The following ANKRD29 variants were observed in gnomAD, a reference collection of about 807,000 sequenced individuals.
ANKRD29 encodes ankyrin repeat domain 29, also known as ankyrin repeat domain-containing protein 29.
In ANKRD29, 32 loss-of-function variants were observed where a neutral mutation model predicts 38.0. The ratio of observed to expected loss-of-function variants is 0.84; its 90% CI spans 0.64 to 1.13. The LOEUF (loss-of-function observed/expected upper bound fraction) is 1.13. Among genes scored for constraint, ANKRD29 ranks in the 50% most tolerant of loss-of-function variants. The pLI is 0.00. For synonymous variants in ANKRD29, 135 were observed against 152.4 expected (o/e 0.89, Z 0.84); for missense variants, 357 against 377.9 (o/e 0.94, Z 0.46).
chr18:23,638,874 C>T lies in ANKRD29; in HGVS notation c.305G>A (p.Gly102Glu), dbSNP rs182782127. Residue 102 changes from glycine (G) to glutamate (E), a missense_variant, in exon 4 of 10, where the codon GGA becomes GAA. Transcript: ENST00000592179. Reference sequence around the variant, plus strand: ...TTTGGTCCTAAATTCAGTGGATGCTCCAAATCCAAAGAGAAATCTCACGAC... The same window carrying T: ...TTTGGTCCTAAATTCAGTGGATGCTTCAAATCCAAAGAGAAATCTCACGAC... ...NDVVRFLFGF[G>E]ASTEFRTKDG... 1.2e-6 allele frequency: 2 copies of T among 1,612,140 alleles called. No individual in the cohort carries two copies.
chr18:23,641,582 G>A (rs1386819354), intron 3 of ANKRD29, among the ~76,000 whole-genome samples: 5 of 152,242 alleles, frequency 3.3e-5, no homozygotes, highest in African/African-American at 1.2e-4. Context: ...GGGGCTGAGG[G>A]CAGCTAGGTG....
chr18:23,609,459 C>T (rs958648196), intron 9 of ANKRD29, among the ~76,000 whole-genome samples: 4 of 152,162 alleles, frequency 2.6e-5, no homozygotes, highest in African/African-American at 9.7e-5. Flanking sequence ...AATAAAACTC[C>T]TATCTCCCGC....
intron 8 of ANKRD29, among the ~76,000 whole-genome samples, chr18:23,615,672 A>G (rs2059701472): frequency 6.6e-6 from 1 of 151,994 alleles, no homozygotes; most frequent in Non-Finnish European, 1.5e-5. Flanking sequence ...TCAGCCTCCC[A>G]AAGTGCTGGG....
intron 9 of ANKRD29, among the ~76,000 whole-genome samples, chr18:23,606,580 G>C (rs1387380358): frequency 6.6e-6 from 1 of 152,072 alleles, no homozygotes; most frequent in East Asian, 1.9e-4. Context: ...CAAAGTGCTG[G>C]GATTACAGGC....
At chr18:23,626,118 C>T (rs966149907) in intron 6 of ANKRD29, among the ~76,000 whole-genome samples, 35 of 152,198 alleles carry the variant, frequency 2.3e-4, no homozygotes, top group Admixed American at 1.6e-3. Flanking sequence ...GGATTCTACG[C>T]TAATCTTTTG....
chr18:23,623,242 C>T (rs1014301218), intron 6 of ANKRD29, among the ~76,000 whole-genome samples: 1 of 152,028 alleles, frequency 6.6e-6, no homozygotes, highest in Non-Finnish European at 1.5e-5. Context: ...TGACTGTGAG[C>T]AGGTAGGAAT....
intron 4 of ANKRD29, among the ~76,000 whole-genome samples, chr18:23,636,797 C>T (rs1356162559): frequency 6.6e-6 from 1 of 152,098 alleles, no homozygotes; most frequent in African/African-American, 2.4e-5. Context: ...TGGTCTTGAA[C>T]TCCTGGGCTC....
chr18:23,604,670 A>G (rs1399065682), intron 9 of ANKRD29, among the ~76,000 whole-genome samples: 1 of 152,060 alleles, frequency 6.6e-6, no homozygotes, highest in Non-Finnish European at 1.5e-5. Flanking sequence ...AGCTGGGACT[A>G]CAGGAACGTG....
intron 4 of ANKRD29, 109 bp from the exon 5 acceptor site, chr18:23,634,258 A>G (rs2145695485): frequency 1.3e-6 from 1 of 756,740 alleles, no homozygotes; most frequent in Non-Finnish European, 2.1e-6. Context: ...CCCAAAGATA[A>G]TAACAAACTC....
At chr18:23,659,439 GTAACTCTATATT>G (rs949090043) in intron 1 of ANKRD29, among the ~76,000 whole-genome samples, 1 of 152,126 alleles carries the variant, frequency 6.6e-6, no homozygotes, top group African/African-American at 2.4e-5. Context: ...GGGTCATGTG[GTAACTCTATATT>G]TAACTTTTTG....
chr18:23,617,912 CGTT>C, intron 7 of ANKRD29, 85 bp from the exon 8 acceptor site: 1 of 1,068,492 alleles, frequency 9.4e-7, no homozygotes, highest in Non-Finnish European at 1.4e-6. Flanking sequence ...TGGAAAGTAC[CGTT>C]GTCAGAAACT....
intron 1 of ANKRD29, among the ~76,000 whole-genome samples, chr18:23,656,703 T>C (rs2060288544): frequency 1.3e-5 from 2 of 152,308 alleles, no homozygotes; most frequent in South Asian, 4.1e-4. Context: ...AAAAGCAGTG[T>C]CACAAAATCC....
chr18:23,654,970 A>G lies in ANKRD29; in HGVS notation c.22-5777T>C, dbSNP rs373993397. 1.4e-4 allele frequency among the ~76,000 whole-genome samples: 21 copies of G among 152,334 alleles called. No individual in the cohort carries two copies. In the East Asian group the frequency reaches 3.3e-3, roughly 24 times the overall value. On this transcript the variant is annotated intron_variant, in intron 1 of 9. Coordinates refer to ENST00000592179, the MANE Select transcript of ANKRD29 (RefSeq NM_173505.4). ...AATCGTACACTTATTAATTCAATCA[A>G]GAGAATATTAGCTCTACTCAATAAT...
intron 8 of ANKRD29, among the ~76,000 whole-genome samples, chr18:23,617,223 GCAAAA>G (rs1256421520): frequency 6.6e-6 from 1 of 152,014 alleles, no homozygotes; most frequent in South Asian, 2.1e-4. Context: ...TCTCAAAAAA[GCAAAA>G]CAAAACAAAA....
At chr18:23,619,021 C>CAGGT (rs1444510299) in intron 7 of ANKRD29, among the ~76,000 whole-genome samples, 5 of 152,178 alleles carry the variant, frequency 3.3e-5, no homozygotes, top group African/African-American at 1.2e-4. Flanking sequence ...CATAGGTGGT[C>CAGGT]AGGTTCTCTT....
chr18:23,649,149 T>C lies in ANKRD29; in HGVS notation c.66A>G (p.Arg22=), dbSNP rs764525625. 3 of 1,614,152 alleles carry C rather than the reference T, an allele frequency of 1.9e-6. No individual in the cohort carries two copies. The highest frequency in any genetic ancestry group is 2.5e-6 in the Non-Finnish European group (3 of 1,179,986). The change falls in exon 2 of 10, where the codon AGA becomes AGG. Residue 22 remains arginine, a synonymous_variant. Coordinates refer to ENST00000592179, the MANE Select transcript of ANKRD29 (RefSeq NM_173505.4). ...GCAGCTTCAGCAGCGCCAGGTTTCC[T>C]CTCCTGGCTGCCCAGAATGCAGCAT... ...LANAAFWAAR[R]GNLALLKLLL...
intron 5 of ANKRD29, among the ~76,000 whole-genome samples, chr18:23,633,840 A>C (rs530543697): frequency 1.3e-5 from 2 of 152,144 alleles, no homozygotes; most frequent in East Asian, 3.9e-4. Context: ...AAGTGCTGGG[A>C]TTAGAGGCGT....
intron 3 of ANKRD29, among the ~76,000 whole-genome samples, chr18:23,644,003 C>T (rs1461493721): frequency 1.3e-5 from 2 of 152,248 alleles, no homozygotes; most frequent in Non-Finnish European, 1.5e-5. Flanking sequence ...TTGCCCCAGA[C>T]TGACACAGTC....
chr18:23,632,193 T>C (rs182184224), intron 5 of ANKRD29, among the ~76,000 whole-genome samples: 12 of 152,310 alleles, frequency 7.9e-5, no homozygotes, highest in African/African-American at 2.6e-4. Context: ...AAGTCTACCA[T>C]GTCCTTAGCT....
Sources: gnomAD v4.1 joint callset for allele counts (sites outside exome capture counted in the v4.1 genomes callset) on GRCh38, gnomAD v4.1.1 for gene constraint, MANE v1.5 for transcripts, NCBI Gene and HGNC (gene_info 2026-07-23, HGNC 2026-07-21) for gene names.